Variants in FSTL5 observed in about 807,000 individuals in gnomAD.
FSTL5 encodes follistatin like 5, also known as follistatin-related protein 5.
In FSTL5, 62 loss-of-function variants were observed where a neutral mutation model predicts 89.1. The observed-to-expected ratio is 0.70, with a 90% CI of 0.57 to 0.86. FSTL5 has a LOEUF of 0.86. Among genes scored for constraint, FSTL5 ranks in the 40% least tolerant of loss-of-function variants. The probability of loss-of-function intolerance (pLI) is 0.00; values close to 1 mark genes in which losing one functional copy is unlikely to be tolerated. For missense variants in FSTL5, 1,057 were observed against 1,001.6 expected, an observed-to-expected ratio of 1.06 and a Z score of -0.75; for synonymous variants, 383 against 346.2, an observed-to-expected ratio of 1.11 and a Z score of -1.18.
chr4:161,969,993 G>A (rs887967862), intron 3 of FSTL5, among the ~76,000 whole-genome samples: 7 of 152,074 alleles, frequency 4.6e-5, no homozygotes, highest in African/African-American at 1.7e-4. Context: ...AGGTTGGTGA[G>A]GACCAGACCC....
chr4:161,801,409 T>A (rs888444666), intron 4 of FSTL5, among the ~76,000 whole-genome samples: 34 of 151,678 alleles, frequency 2.2e-4, no homozygotes, highest in African/African-American at 8.0e-4. Context: ...CTCAGCTTTA[T>A]GCCTTCATGT....
intron 3 of FSTL5, among the ~76,000 whole-genome samples, chr4:161,980,704 T>C (rs749834406): frequency 8.1e-5 from 12 of 147,722 alleles, no homozygotes; most frequent in African/African-American, 2.5e-4. Flanking sequence ...CTCCTAAACA[T>C]AGGGAAACAT....
chr4:161,537,501 A>G (rs72685735), intron 10 of FSTL5, among the ~76,000 whole-genome samples: 11,306 of 152,298 alleles, frequency 0.074, 539 homozygotes, highest in Middle Eastern at 0.15. Context: ...TATCATAAAA[A>G]GCAATCCATC....
intron 6 of FSTL5, among the ~76,000 whole-genome samples, chr4:161,755,419 C>T (rs537063293): frequency 7.9e-5 from 12 of 151,970 alleles, no homozygotes; most frequent in Non-Finnish European, 1.3e-4. Flanking sequence ...TTCCTGTTTG[C>T]GGATTACCCT....
intron 6 of FSTL5, among the ~76,000 whole-genome samples, chr4:161,707,523 G>T (rs930808291): frequency 3.3e-5 from 5 of 151,810 alleles, no homozygotes; most frequent in African/African-American, 4.8e-5. Context: ...AGGATGCACT[G>T]CATATAATAC....
At position 161,460,477 on chromosome 4, in the gene FSTL5, G is replaced by T. The variant is rs1015052046; in HGVS notation, c.1609-1158C>A. Reference sequence around the variant, plus strand: ...TTGTTCAATTCCCACCTATGAGTGAGGGATGAAGCTAGAAACCATCATCCT... The same window carrying T: ...TTGTTCAATTCCCACCTATGAGTGATGGATGAAGCTAGAAACCATCATCCT... On this transcript the variant is annotated intron_variant, in intron 13 of 15. Transcript: ENST00000306100. 3.3e-5 allele frequency among the ~76,000 whole-genome samples: 3 copies of T among 90,272 alleles called. 1 individual carries two copies. The highest frequency in any genetic ancestry group is 7.5e-5 in the Non-Finnish European group (3 of 39,920). The allele number at this position is 90,272 out of a possible 152,430, so 59.2% of individuals were successfully genotyped here.
At chr4:161,984,822 T>A (rs1735917493) in intron 3 of FSTL5, among the ~76,000 whole-genome samples, 2 of 152,286 alleles carry the variant, frequency 1.3e-5, no homozygotes, top group South Asian at 4.1e-4. Flanking sequence ...TGGCTATATA[T>A]CAAAATGATC....
In FSTL5 at chr4:161,589,349, A is replaced by AT. The variant is rs553758889; in HGVS notation, c.895-1775dup. Among the ~76,000 whole-genome samples, 599 of 151,784 alleles carry AT rather than the reference A, an allele frequency of 3.9e-3. 3 individuals carry two copies. The highest frequency in any genetic ancestry group is 0.017 in the Middle Eastern group (5 of 294). Reference sequence around the variant, plus strand: ...AGGCTTGTGCCACCACGCCCTGCTAATTTTTTGTATTTTTAGTAGAAACAG... The same window carrying AT: ...AGGCTTGTGCCACCACGCCCTGCTAATTTTTTTGTATTTTTAGTAGAAACAG... On this transcript the variant is annotated intron_variant, in intron 7 of 15. Coordinates refer to ENST00000306100, the MANE Select transcript of FSTL5 (RefSeq NM_020116.5).
chr4:161,780,215 T>C (rs997982731), intron 4 of FSTL5, among the ~76,000 whole-genome samples: 8 of 150,162 alleles, frequency 5.3e-5, no homozygotes, highest in Admixed American at 4.0e-4. Flanking sequence ...TTAATAATTA[T>C]TTAATAATAA....
intron 4 of FSTL5, among the ~76,000 whole-genome samples, chr4:161,786,266 G>T (rs941828423): frequency 1.3e-5 from 2 of 151,948 alleles, no homozygotes; most frequent in Non-Finnish European, 2.9e-5. Flanking sequence ...GTTGTAGTGG[G>T]TTAATATATA....
chr4:161,597,748 C>G (rs1214784304), intron 7 of FSTL5, among the ~76,000 whole-genome samples: 1 of 151,794 alleles, frequency 6.6e-6, no homozygotes, highest in Non-Finnish European at 1.5e-5. Context: ...AGACCCAATG[C>G]AATAGGTTAT....
chr4:161,809,240 C>G (rs1730068363), intron 4 of FSTL5, among the ~76,000 whole-genome samples: 2 of 151,990 alleles, frequency 1.3e-5, no homozygotes, highest in South Asian at 4.2e-4. Context: ...AAACAAAATG[C>G]AAATCCAAAA....
chr4:161,725,365 A>C (rs1739361997), intron 6 of FSTL5, among the ~76,000 whole-genome samples: 1 of 152,152 alleles, frequency 6.6e-6, no homozygotes, highest in Non-Finnish European at 1.5e-5. Context: ...TTTAAAAATA[A>C]ATGAAAATCA....
intron 4 of FSTL5, among the ~76,000 whole-genome samples, chr4:161,901,046 T>C (rs1733347375): frequency 6.6e-6 from 1 of 152,180 alleles, no homozygotes; most frequent in African/African-American, 2.4e-5. Context: ...AATTTTAAGA[T>C]ATTTTAATAG....
intron 3 of FSTL5, among the ~76,000 whole-genome samples, chr4:162,030,719 T>G (rs1162512049): frequency 6.6e-6 from 1 of 152,180 alleles, no homozygotes; most frequent in African/African-American, 2.4e-5. Context: ...TTTAAATTAT[T>G]TCAAAAATTA....
At chr4:162,144,696 T>A (rs1247764181) in intron 1 of FSTL5, among the ~76,000 whole-genome samples, 1 of 152,130 alleles carries the variant, frequency 6.6e-6, no homozygotes, top group Non-Finnish European at 1.5e-5. Context: ...TGAATACATA[T>A]TGCAGTAAGA....
At chr4:162,040,670 A>G (rs1004247763) in intron 2 of FSTL5, among the ~76,000 whole-genome samples, 5 of 152,110 alleles carry the variant, frequency 3.3e-5, no homozygotes, top group African/African-American at 1.2e-4. Context: ...CTAAATTTTC[A>G]GTTCTACTTT....
chr4:161,428,121 G>A (rs1195787111), intron 15 of FSTL5, among the ~76,000 whole-genome samples: 3 of 152,084 alleles, frequency 2.0e-5, no homozygotes, highest in Non-Finnish European at 4.4e-5. Context: ...ACTCAGTGCT[G>A]CTCTGTCAGA....
intron 2 of FSTL5, among the ~76,000 whole-genome samples, chr4:162,038,641 G>A (rs1193870629): frequency 6.6e-6 from 1 of 151,720 alleles, no homozygotes; most frequent in Non-Finnish European, 1.5e-5. Context: ...GAGATATTAA[G>A]GATATTTCTT....
Sources: allele counts gnomAD v4.1 joint callset (sites outside exome capture counted in the v4.1 genomes callset), GRCh38; gene constraint gnomAD v4.1.1; transcripts MANE v1.5; gene names NCBI Gene and HGNC (gene_info 2026-07-23, HGNC 2026-07-21).